The following NRXN3 variants were observed in gnomAD, a reference collection of about 807,000 sequenced individuals.
NRXN3 encodes the protein neurexin 3.
A neutral mutation model predicts 137.6 loss-of-function variants in NRXN3; 32 were observed. The ratio of observed to expected loss-of-function variants is 0.23; its 90% CI spans 0.18 to 0.31. The LOEUF (loss-of-function observed/expected upper bound fraction) is 0.31. NRXN3 is among the 10% of genes least tolerant of loss of function. The pLI, the probability that NRXN3 is intolerant of heterozygous loss-of-function variation, is 1.00. For missense variants in NRXN3, 1,574 were observed against 2,062.5 expected (o/e 0.76, Z 4.59); for synonymous variants, 798 against 784.5 (o/e 1.02, Z -0.29).
At chr14:79,050,600 T>A (rs1289737947) in intron 15 of NRXN3, among the ~76,000 whole-genome samples, 1 of 152,234 alleles carries the variant, frequency 6.6e-6, no homozygotes, top group East Asian at 1.9e-4. Context: ...GCCATAAGGA[T>A]GTCTGCACAA....
chr14:78,814,398 C>T (rs981639509), intron 10 of NRXN3, among the ~76,000 whole-genome samples: 9 of 152,068 alleles, frequency 5.9e-5, no homozygotes, highest in East Asian at 3.9e-4. Context: ...AGGCAGATTA[C>T]GAGGTCAAGG....
chr14:78,837,357 G>A (rs2098999993), intron 10 of NRXN3, among the ~76,000 whole-genome samples: 1 of 152,074 alleles, frequency 6.6e-6, no homozygotes, highest in African/African-American at 2.4e-5. Context: ...ATTGATTTGG[G>A]GATTTAATGT....
rs553688634 is a variant in NRXN3, at chr14:78,429,394, A to C, written c.757+131534A>C. ...ACGCCCAGTCAGTAATTACTATTAA[A>C]TATGCAACATGTGCTAGATATTGTT... On this transcript the variant is annotated intron_variant, in intron 4 of 20. Coordinates refer to ENST00000335750, the MANE Select transcript of NRXN3 (RefSeq NM_001330195.2). 3.9e-5 allele frequency among the ~76,000 whole-genome samples: 6 copies of C among 152,280 alleles called. No individual in the cohort carries two copies. In the South Asian group the frequency reaches 1.2e-3, roughly 32 times the overall value.
intron 2 of NRXN3, among the ~76,000 whole-genome samples, chr14:78,251,777 G>A (rs2068666656): frequency 6.6e-6 from 1 of 152,186 alleles, no homozygotes; most frequent in South Asian, 2.1e-4. Context: ...GAGGAACAAG[G>A]TGGTATTTAG....
chr14:78,480,964 T>A (rs2153739218), intron 4 of NRXN3, among the ~76,000 whole-genome samples: 1 of 152,296 alleles, frequency 6.6e-6, no homozygotes, highest in East Asian at 1.9e-4. Flanking sequence ...TGTCTCTCCT[T>A]TGTGACCTCT....
rs369733297 is a variant in NRXN3, at chr14:79,793,416, AAAAAAC to A, written c.4015-11674_4015-11669del. Among the ~76,000 whole-genome samples, 902 of 152,286 alleles carry A rather than the reference AAAAAAC, an allele frequency of 5.9e-3. 11 individuals carry two copies. Among genetic ancestry groups the A allele is most frequent in the African/African-American group, 0.015 (637 of 41,550 alleles). ...GGCGACAGAGCGAGACTCCGTCTCA[AAAAAAC>A]AAAAACAAAAACAAAAACAAAGACC... On this transcript the variant is annotated intron_variant, in intron 19 of 20. Coordinates refer to ENST00000335750, the MANE Select transcript of NRXN3 (RefSeq NM_001330195.2).
At chr14:78,812,529 T>G (rs2098917286) in intron 10 of NRXN3, among the ~76,000 whole-genome samples, 1 of 152,180 alleles carries the variant, frequency 6.6e-6, no homozygotes, top group Non-Finnish European at 1.5e-5. Context: ...CTATCCACAC[T>G]TTCTCATGAA....
rs185654649 is a variant in NRXN3 at position 78,915,842 on chromosome 14, C to T, written c.2276-41400C>T. On this transcript the variant is annotated intron_variant, in intron 10 of 20. Coordinates refer to ENST00000335750, the MANE Select transcript of NRXN3 (RefSeq NM_001330195.2). The stretch of plus-strand genomic sequence containing the variant: ...TTAGATGATACACCTTGACAAGATA[C>T]TCAAGACTCCCAAGACAAGACACTC... Among the ~76,000 whole-genome samples, 3 of 152,090 alleles carry T rather than the reference C, an allele frequency of 2.0e-5. No individual in the cohort carries two copies. In the South Asian group the frequency reaches 6.2e-4, roughly 32 times the overall value.
chr14:78,186,715 T>A (rs1019945266), intron 1 of NRXN3, among the ~76,000 whole-genome samples: 1 of 152,174 alleles, frequency 6.6e-6, no homozygotes, highest in African/African-American at 2.4e-5. Flanking sequence ...GACTTGGTGA[T>A]TTTCCTCCTG....
At chr14:78,201,658 T>C (rs1046700006) in intron 1 of NRXN3, among the ~76,000 whole-genome samples, 7 of 152,148 alleles carry the variant, frequency 4.6e-5, no homozygotes, top group Admixed American at 6.5e-5. Context: ...TCTGCTGCAA[T>C]TGACCTTTTA....
chr14:78,258,151 A>G (rs1236543541), intron 2 of NRXN3, among the ~76,000 whole-genome samples: 3 of 152,220 alleles, frequency 2.0e-5, no homozygotes, highest in African/African-American at 7.2e-5. Context: ...TTTAAATGAG[A>G]TAGTGCACGT....
At chr14:79,428,195 A>C (rs1168520070) in intron 15 of NRXN3, among the ~76,000 whole-genome samples, 2 of 152,174 alleles carry the variant, frequency 1.3e-5, no homozygotes, top group East Asian at 1.9e-4. Flanking sequence ...GTCTGATTTC[A>C]AATAGCCCAT....
chr14:79,842,973 G>T (rs1397612565), intron 20 of NRXN3, among the ~76,000 whole-genome samples: 1 of 151,974 alleles, frequency 6.6e-6, no homozygotes, highest in Non-Finnish European at 1.5e-5. Flanking sequence ...ATATAAATGA[G>T]ATCATGTAAT....
intron 15 of NRXN3, among the ~76,000 whole-genome samples, chr14:79,075,996 G>A (rs1242667494): frequency 1.3e-5 from 2 of 152,162 alleles, no homozygotes; most frequent in African/African-American, 4.8e-5. Context: ...CTGTGCTCCT[G>A]TACTAGTCAA....
intron 15 of NRXN3, among the ~76,000 whole-genome samples, chr14:79,295,941 G>A (rs2084026884): frequency 6.6e-6 from 1 of 151,924 alleles, no homozygotes; most frequent in Non-Finnish European, 1.5e-5. Context: ...CATATATTCA[G>A]TCTTCTACTG....
chr14:79,622,723 A>C (rs1313372785), intron 16 of NRXN3, among the ~76,000 whole-genome samples: 3 of 152,034 alleles, frequency 2.0e-5, no homozygotes, highest in Non-Finnish European at 4.4e-5. Context: ...CAGCCTCCTG[A>C]GTAGCTGGGA....
intron 4 of NRXN3, chr14:78,614,944 C>A (rs1432346154): frequency 2.2e-6 from 1 of 456,604 alleles, no homozygotes. Context: ...CTTCAGTGCC[C>A]AGTTTTCTGC....
intron 8 of NRXN3, among the ~76,000 whole-genome samples, chr14:78,793,098 A>G (rs947460599): frequency 2.6e-5 from 4 of 152,206 alleles, no homozygotes; most frequent in Non-Finnish European, 4.4e-5. Context: ...GCATGCCTGT[A>G]TCAAAATATC....
chr14:78,172,382 C>T (rs2058807573), intron 1 of NRXN3, among the ~76,000 whole-genome samples: 1 of 152,050 alleles, frequency 6.6e-6, no homozygotes, highest in Non-Finnish European at 1.5e-5. Flanking sequence ...AATGGTCCCG[C>T]TGGTTATGAT....
Sources: allele counts gnomAD v4.1 joint callset (sites outside exome capture counted in the v4.1 genomes callset), GRCh38; gene constraint gnomAD v4.1.1; transcripts MANE v1.5; gene names NCBI Gene and HGNC (gene_info 2026-07-23, HGNC 2026-07-21).